PCDH15: variants seen among roughly 807,000 people sequenced by gnomAD.
PCDH15 encodes protocadherin related 15, also known as protocadherin-15.
In PCDH15, 129 loss-of-function variants were observed where a neutral mutation model predicts 178.5. That is an observed-to-expected ratio of 0.72 (90% CI 0.63 to 0.84). The LOEUF is 0.84. Among genes scored for constraint, PCDH15 ranks in the 40% least tolerant of loss-of-function variants. PCDH15 has a pLI of 0.00. For synonymous variants in PCDH15, 800 were observed against 732.0 expected, an observed-to-expected ratio of 1.09 and a Z score of -1.50; for missense variants, 2,230 against 2,099.9, an observed-to-expected ratio of 1.06 and a Z score of -1.21.
At chr10:54,718,332 T>C (rs9971203) in intron 1 of PCDH15, among the ~76,000 whole-genome samples, 86,993 of 151,984 alleles carry the variant, frequency 0.57, 26,407 homozygotes, top group Middle Eastern at 0.72. Context: ...GGGAATGAGA[T>C]AGGCTTCCTG....
At chr10:54,648,941 T>C (rs148883001) in intron 2 of PCDH15, among the ~76,000 whole-genome samples, 1 of 152,286 alleles carries the variant, frequency 6.6e-6, no homozygotes, top group East Asian at 1.9e-4. Flanking sequence ...TAAAACATTA[T>C]CTAAGTCTAA....
At chr10:54,301,089 C>A (rs1243017082) in intron 8 of PCDH15, among the ~76,000 whole-genome samples, 3 of 150,268 alleles carry the variant, frequency 2.0e-5, no homozygotes, top group Non-Finnish European at 4.5e-5. Context: ...GCAGACACAT[C>A]TGAACATCCA....
intron 2 of PCDH15, among the ~76,000 whole-genome samples, chr10:55,375,681 G>T (rs1837380435): frequency 1.3e-5 from 2 of 152,000 alleles, no homozygotes; most frequent in South Asian, 4.2e-4. Context: ...TCCACAGCCA[G>T]AATTACAAAG....
At chr10:53,835,208 C>T (rs1209733932) in intron 29 of PCDH15, among the ~76,000 whole-genome samples, 1 of 152,048 alleles carries the variant, frequency 6.6e-6, no homozygotes, top group African/African-American at 2.4e-5. Flanking sequence ...AATCAGATAC[C>T]GTTTAAGGTC....
intron 13 of PCDH15, among the ~76,000 whole-genome samples, chr10:54,166,169 C>T (rs112506723): frequency 1.2e-4 from 18 of 152,308 alleles, no homozygotes; most frequent in African/African-American, 4.3e-4. Flanking sequence ...ATCATATTAT[C>T]TTCACTTGCC....
At chr10:54,386,226 A>G (rs1349444219) in intron 3 of PCDH15, among the ~76,000 whole-genome samples, 1 of 151,528 alleles carries the variant, frequency 6.6e-6, no homozygotes, top group African/African-American at 2.4e-5. Flanking sequence ...CACACAGGTA[A>G]TACACTAACA....
At chr10:54,518,483 C>A (rs1408916367) in intron 3 of PCDH15, among the ~76,000 whole-genome samples, 1 of 152,132 alleles carries the variant, frequency 6.6e-6, no homozygotes, top group Non-Finnish European at 1.5e-5. Flanking sequence ...AATTCCTCAA[C>A]ACATACACCC....
chr10:55,081,078 C>G (rs1842029146), intron 2 of PCDH15, among the ~76,000 whole-genome samples: 1 of 152,102 alleles, frequency 6.6e-6, no homozygotes, highest in African/African-American at 2.4e-5. Context: ...TTCATGTGCA[C>G]AGAGGAGGCT....
At chr10:54,652,025 A>G (rs1227158107) in intron 2 of PCDH15, among the ~76,000 whole-genome samples, 2 of 152,072 alleles carry the variant, frequency 1.3e-5, no homozygotes, top group African/African-American at 2.4e-5. Flanking sequence ...CAAGGAATTT[A>G]ATGTCTAATT....
chr10:53,848,010 A>G (rs1183409931), intron 28 of PCDH15, among the ~76,000 whole-genome samples: 2 of 152,080 alleles, frequency 1.3e-5, no homozygotes, highest in Non-Finnish European at 2.9e-5. Flanking sequence ...ATTCTCTTGC[A>G]TAAACATTTT....
At chr10:55,535,641 T>C (rs1841560834) in intron 2 of PCDH15, among the ~76,000 whole-genome samples, 1 of 151,988 alleles carries the variant, frequency 6.6e-6, no homozygotes, top group African/African-American at 2.4e-5. Context: ...TAGGAAATAA[T>C]CAATTAGAAG....
At chr10:54,464,794 G>C (rs1049266506) in intron 3 of PCDH15, among the ~76,000 whole-genome samples, 1 of 152,062 alleles carries the variant, frequency 6.6e-6, no homozygotes, top group Non-Finnish European at 1.5e-5. Context: ...TTTTAAACAA[G>C]AGCAACCTAA....
At chr10:54,083,185 A>C (rs758497106) in intron 16 of PCDH15, among the ~76,000 whole-genome samples, 4 of 152,184 alleles carry the variant, frequency 2.6e-5, no homozygotes, top group African/African-American at 4.8e-5. Context: ...TCTGGTGGGA[A>C]TATAAAATGC....
chr10:54,169,271 C>T lies in PCDH15; in HGVS notation c.1590+14173G>A, dbSNP rs1254345141. Among the ~76,000 whole-genome samples the T allele has an allele frequency of 1.5e-4, 9 of 58,664 alleles. 3 individuals carry two copies. Among genetic ancestry groups the T allele is most frequent in the East Asian group, 4.0e-4 (2 of 4,982 alleles). The allele number at this position is 58,664 out of a possible 152,430, so 38.5% of individuals were successfully genotyped here. A position where few individuals can be genotyped will look rare whatever the true frequency, so the allele number is the denominator to read the frequency against. ...CGGAAGCCCCCTAGACAATCACGGA[C>T]GCCGAGCTTCGGGTAACTCTCACAG... On this transcript the variant is annotated intron_variant, in intron 13 of 37. Coordinates refer to ENST00000644397, the MANE Select transcript of PCDH15 (RefSeq NM_001384140.1).
At chr10:54,208,210 C>A (rs1443616994) in intron 10 of PCDH15, among the ~76,000 whole-genome samples, 2 of 151,884 alleles carry the variant, frequency 1.3e-5, no homozygotes, top group African/African-American at 4.8e-5. Flanking sequence ...ACAAGTAATG[C>A]CTGAAATTTC....
At chr10:53,907,427 C>T (rs948561777) in intron 25 of PCDH15, among the ~76,000 whole-genome samples, 1 of 152,158 alleles carries the variant, frequency 6.6e-6, no homozygotes, top group Non-Finnish European at 1.5e-5. Flanking sequence ...CCCCTCCAGT[C>T]TCCCTTCTGG....
At chr10:54,090,611 T>A (rs1366131707) in intron 15 of PCDH15, among the ~76,000 whole-genome samples, 1 of 142,674 alleles carries the variant, frequency 7.0e-6, no homozygotes, top group Non-Finnish European at 1.5e-5. Flanking sequence ...GCCACTGCAC[T>A]CCAGCCTGGG....
intron 2 of PCDH15, among the ~76,000 whole-genome samples, chr10:55,007,961 T>C (rs142800712): frequency 6.6e-6 from 1 of 152,308 alleles, no homozygotes; most frequent in East Asian, 1.9e-4. Flanking sequence ...AAAGACATTT[T>C]AGAATATTTT....
chr10:55,144,748 T>C (rs1372184733), intron 2 of PCDH15, among the ~76,000 whole-genome samples: 1 of 152,114 alleles, frequency 6.6e-6, no homozygotes, highest in Non-Finnish European at 1.5e-5. Context: ...AGTTTCAATT[T>C]TAAACAAACA....
Sources: gnomAD v4.1 joint callset for allele counts (sites outside exome capture counted in the v4.1 genomes callset) on GRCh38, gnomAD v4.1.1 for gene constraint, MANE v1.5 for transcripts, NCBI Gene and HGNC (gene_info 2026-07-23, HGNC 2026-07-21) for gene names.